Variants in ACSM1 observed in about 807,000 individuals in gnomAD.
ACSM1 encodes the protein acyl-coenzyme A synthetase ACSM1, mitochondrial.
A neutral mutation model predicts 75.8 loss-of-function variants in ACSM1; 79 were observed. The ratio of observed to expected loss-of-function variants is 1.04; its 90% CI spans 0.87 to 1.26. ACSM1 has a LOEUF of 1.26. Among genes scored for constraint, ACSM1 ranks in the 50% most tolerant of loss-of-function variants. The probability of loss-of-function intolerance (pLI) is 0.00; values close to 1 mark genes in which losing one functional copy is unlikely to be tolerated. For synonymous variants in ACSM1, 279 were observed against 265.8 expected, an observed-to-expected ratio of 1.05 and a Z score of -0.48; for missense variants, 676 against 720.1, an observed-to-expected ratio of 0.94 and a Z score of 0.70.
In ACSM1 at chr16:20,653,968, C is replaced by T. The variant is rs567295083; in HGVS notation, c.992+7826G>A. Among the ~76,000 whole-genome samples, 37 of 152,284 alleles carry T rather than the reference C, an allele frequency of 2.4e-4. No homozygotes were observed. The South Asian group carries it at 3.9e-3, about 16-fold the overall frequency. On this transcript the variant is annotated intron_variant, in intron 7 of 13. Transcript: ENST00000520010. Reference sequence around the variant, plus strand: ...TCAAGGCAATCCTAAGCCAAAACAACAAAGGTGGAGGCATCGCGCTACCTG... The same window carrying T: ...TCAAGGCAATCCTAAGCCAAAACAATAAAGGTGGAGGCATCGCGCTACCTG...
chr16:20,625,620 G>A (rs2016878038), intron 11 of ACSM1, 98 bp from the exon 12 acceptor site: 13 of 1,137,894 alleles, frequency 1.1e-5, no homozygotes, highest in Non-Finnish European at 1.6e-5. Flanking sequence ...GGCACAGAGG[G>A]TGGAGGTCAT....
chr16:20,629,515 G>A (rs2152191736), intron 10 of ACSM1, among the ~76,000 whole-genome samples: 1 of 152,292 alleles, frequency 6.6e-6, no homozygotes, highest in South Asian at 2.1e-4. Flanking sequence ...TAAAGGAAAT[G>A]AGGGCCAGAA....
At chr16:20,671,820 C>G in intron 4 of ACSM1, 149 bp from the exon 5 acceptor site, 1 of 779,246 alleles carries the variant, frequency 1.3e-6, no homozygotes, top group Non-Finnish European at 1.9e-6. Context: ...AGGCATCACA[C>G]TGACTTGATG....
At position 20,666,169 on chromosome 16, in the gene ACSM1, A is replaced by G. The variant is rs563817786; in HGVS notation, c.912+3658T>C. Among the ~76,000 whole-genome samples the G allele has an allele frequency of 3.9e-5, 6 of 152,276 alleles. No homozygotes were observed. The East Asian group carries it at 1.2e-3, about 29-fold the overall frequency. ...AGAGAAAGAAATAAAAGATATTCAA[A>G]TAGAAAAAAAGTCAAACTATCTCTT... On this transcript the variant is annotated intron_variant, in intron 6 of 13. Coordinates refer to ENST00000520010, the MANE Select transcript of ACSM1 (RefSeq NM_001318890.3).
intron 4 of ACSM1, chr16:20,680,594 T>C (rs2079422345): frequency 1.3e-5 from 2 of 152,166 alleles, no homozygotes; most frequent in African/African-American, 4.8e-5. Flanking sequence ...AAAACCTCCA[T>C]AATTGGAAAG....
chr16:20,658,058 C>A (rs1302547064), intron 7 of ACSM1, among the ~76,000 whole-genome samples: 1 of 152,126 alleles, frequency 6.6e-6, no homozygotes, highest in African/African-American at 2.4e-5. Context: ...AATAGTGCCA[C>A]AATAAAGATA....
chr16:20,662,002 C>T (rs1193606651), intron 6 of ACSM1, 129 bp from the exon 7 acceptor site: 1 of 543,338 alleles, frequency 1.8e-6, no homozygotes, highest in African/African-American at 1.9e-5. Context: ...CCTTTAAATA[C>T]ACACATACTG....
chr16:20,643,779 A>G (rs2018204388), intron 7 of ACSM1, among the ~76,000 whole-genome samples: 1 of 152,172 alleles, frequency 6.6e-6, no homozygotes, highest in African/African-American at 2.4e-5. Flanking sequence ...CTTTAGCTAG[A>G]CAGAAAGTGC....
chr16:20,677,986 C>A (rs2079342635), intron 4 of ACSM1, among the ~76,000 whole-genome samples: 1 of 141,096 alleles, frequency 7.1e-6, no homozygotes, highest in Non-Finnish European at 1.5e-5. Context: ...GCAAGGGGCA[C>A]CATAAAGGAA....
intron 4 of ACSM1, among the ~76,000 whole-genome samples, chr16:20,678,563 C>T (rs2079363347): frequency 6.6e-6 from 1 of 152,108 alleles, no homozygotes; most frequent in African/African-American, 2.4e-5. Context: ...CAAGGCCTTC[C>T]TCACCGGGAC....
At chr16:20,697,537 C>A (rs2079696050) in intron 1 of ACSM1, 99 bp downstream of exon 1, 1 of 144,682 alleles carries the variant, frequency 6.9e-6, no homozygotes, top group Non-Finnish European at 1.5e-5. Flanking sequence ...AGTAGCATTG[C>A]CAGAACTTAA....
chr16:20,631,656 A>AT (rs1165087148), intron 10 of ACSM1, among the ~76,000 whole-genome samples: 1 of 152,244 alleles, frequency 6.6e-6, no homozygotes, highest in African/African-American at 2.4e-5. Flanking sequence ...AAAATGTGGT[A>AT]TATATACACC....
rs372916427 is a variant in ACSM1, at chr16:20,640,482, C to T, written c.1095G>A (p.Glu365=). The T allele has an allele frequency of 2.0e-5, 33 of 1,614,028 alleles. No homozygotes were observed. In the African/African-American group the frequency reaches 4.3e-4, roughly 21 times the overall value. Residue 365 remains glutamate, a synonymous_variant, in exon 8 of 14, where the codon GAG becomes GAA. Transcript: ENST00000520010. ...CTACCGTTTCCGACTGCCCATAGTT[C>T]TCGTAGAGCAGAAGGCCCGTCCGTC... ...WKRRTGLLLY[E]NYGQSETGLI... is the part of the protein sequence containing the mutation.
chr16:20,672,471 A>AAAAAAAAAAAAAAAAAAAAAAATATAT (rs1555473775), intron 4 of ACSM1, among the ~76,000 whole-genome samples: 1 of 64,562 alleles, frequency 1.5e-5, no homozygotes, highest in Non-Finnish European at 2.6e-5. Context: ...AAAAAAAAAA[A>AAAAAAAAAAAAAAAAAAAAAAATATAT]ATATATATAT....
At chr16:20,626,642 C>T (rs1174492004) in intron 11 of ACSM1, among the ~76,000 whole-genome samples, 1 of 151,744 alleles carries the variant, frequency 6.6e-6, no homozygotes, top group Non-Finnish European at 1.5e-5. Context: ...TTATATAAAG[C>T]ATTAAGGACA....
chr16:20,685,724 G>A (rs1341160907), intron 2 of ACSM1, among the ~76,000 whole-genome samples: 1 of 150,958 alleles, frequency 6.6e-6, no homozygotes, highest in Non-Finnish European at 1.5e-5. Context: ...GGAGGCTGAG[G>A]TAGGAGAATT....
chr16:20,695,850 T>C (rs931145527), intron 1 of ACSM1, among the ~76,000 whole-genome samples: 2 of 152,198 alleles, frequency 1.3e-5, no homozygotes, highest in Non-Finnish European at 2.9e-5. Flanking sequence ...TATTTACATT[T>C]ATACCTATAT....
intron 10 of ACSM1, among the ~76,000 whole-genome samples, chr16:20,636,009 C>T (rs1366768409): frequency 2.0e-5 from 3 of 152,136 alleles, no homozygotes; most frequent in Admixed American, 2.0e-4. Flanking sequence ...GTATGTTCCC[C>T]TTTGGTCAAA....
chr16:20,635,938 C>G (rs2017680982), intron 10 of ACSM1, among the ~76,000 whole-genome samples: 1 of 152,106 alleles, frequency 6.6e-6, no homozygotes, highest in Admixed American at 6.6e-5. Context: ...CCCACCCTGC[C>G]TAATTTTCTT....
Sources: gnomAD v4.1 joint callset for allele counts (sites outside exome capture counted in the v4.1 genomes callset) on GRCh38, gnomAD v4.1.1 for gene constraint, MANE v1.5 for transcripts, NCBI Gene and HGNC (gene_info 2026-07-23, HGNC 2026-07-21) for gene names.